The following RPH3AL variants were observed in gnomAD, a reference collection of about 807,000 sequenced individuals.
RPH3AL encodes the protein rabphilin 3A like (without C2 domains).
In RPH3AL, 38 loss-of-function variants were observed where a neutral mutation model predicts 43.1. That is an observed-to-expected ratio of 0.88 (90% CI 0.68 to 1.15). The LOEUF is 1.15. Ranked by LOEUF, RPH3AL falls within the 50% of genes most tolerant of loss-of-function variation. The pLI is 0.00. For synonymous variants in RPH3AL, 189 were observed against 176.3 expected, an observed-to-expected ratio of 1.07 and a Z score of -0.57; for missense variants, 462 against 423.2, an observed-to-expected ratio of 1.09 and a Z score of -0.81.
At chr17:305,542 A>G (rs2043463976) in intron 5 of RPH3AL, among the ~76,000 whole-genome samples, 2 of 152,132 alleles carry the variant, frequency 1.3e-5, no homozygotes, top group South Asian at 4.1e-4. Flanking sequence ...TGACCTGACC[A>G]CACACACGGC....
Position 310,553 on chromosome 17 carries a change from G to A in RPH3AL, c.351+8867C>T, listed in dbSNP as rs1036376628. Among the ~76,000 whole-genome samples the A allele has an allele frequency of 5.9e-5, 9 of 152,258 alleles. 1 individual carries two copies. The highest frequency in any genetic ancestry group is 4.1e-4 in the South Asian group (2 of 4,820). On this transcript the variant is annotated intron_variant, in intron 5 of 9. Transcript: ENST00000331302. The stretch of plus-strand genomic sequence containing the variant: ...AGCCATCCGCAGAAGGTGAGGAGGC[G>A]GAATGTGGAGATGGAGATAAACAGG...
chr17:281,925 T>C, intron 5 of RPH3AL, 71 bp from the exon 6 acceptor site: 1 of 1,138,252 alleles, frequency 8.8e-7, no homozygotes, highest in Non-Finnish European at 1.3e-6. Context: ...CTCAGACAAC[T>C]GTAACGAAGG....
chr17:318,658 C>A (rs977104497), intron 5 of RPH3AL, among the ~76,000 whole-genome samples: 1 of 152,006 alleles, frequency 6.6e-6, no homozygotes, highest in African/African-American at 2.4e-5. Flanking sequence ...GATTAGAAGG[C>A]ATATTATTCT....
intron 7 of RPH3AL, among the ~76,000 whole-genome samples, chr17:224,260 ATGC>A (rs879600937): frequency 0.029 from 4,427 of 152,192 alleles, 109 homozygotes; most frequent in Non-Finnish European, 0.045. Flanking sequence ...AAGGTTCCCC[ATGC>A]CCCCAGGACC....
chr17:351,044 C>T (rs1195468572), intron 1 of RPH3AL, among the ~76,000 whole-genome samples: 1 of 152,184 alleles, frequency 6.6e-6, no homozygotes, highest in African/African-American at 2.4e-5. Context: ...TTCTAGGACT[C>T]CATGTACAAC....
chr17:249,104 G>A (rs902061094), intron 6 of RPH3AL, among the ~76,000 whole-genome samples: 1 of 152,130 alleles, frequency 6.6e-6, no homozygotes, highest in African/African-American at 2.4e-5. Flanking sequence ...CCCTAAATTT[G>A]TAATGCCTCC....
chr17:271,990 A>G (rs2042475029), intron 6 of RPH3AL, among the ~76,000 whole-genome samples: 1 of 152,246 alleles, frequency 6.6e-6, no homozygotes, highest in Non-Finnish European at 1.5e-5. Flanking sequence ...ATGCAGCCAA[A>G]AAACACATGA....
At chr17:320,266 G>C (rs1013466220) in intron 4 of RPH3AL, among the ~76,000 whole-genome samples, 3 of 150,846 alleles carry the variant, frequency 2.0e-5, no homozygotes, top group African/African-American at 7.3e-5. Context: ...TGTTCCATGG[G>C]ACCAGCGAAG....
intron 2 of RPH3AL, among the ~76,000 whole-genome samples, chr17:329,318 CA>C: frequency 6.6e-6 from 1 of 151,870 alleles, no homozygotes; most frequent in South Asian, 2.1e-4. Context: ...ACTAAAAATA[CA>C]AAAAAAATTA....
chr17:247,357 G>A (rs1425779399), intron 6 of RPH3AL, 72 bp from the exon 7 acceptor site: 2 of 1,438,420 alleles, frequency 1.4e-6, no homozygotes, highest in African/African-American at 2.8e-5. Context: ...TTGCCCAGAT[G>A]ACGGGAGGCA....
At chr17:321,876 C>T (rs541530267) in intron 3 of RPH3AL, among the ~76,000 whole-genome samples, 4 of 152,182 alleles carry the variant, frequency 2.6e-5, no homozygotes, top group Non-Finnish European at 5.9e-5. Context: ...ATGTGACGCT[C>T]ACGTACACAG....
At chr17:233,131 T>G (rs1353025679) in intron 7 of RPH3AL, among the ~76,000 whole-genome samples, 3 of 151,302 alleles carry the variant, frequency 2.0e-5, no homozygotes, top group Non-Finnish European at 4.4e-5. Context: ...AGCATGTGCC[T>G]GTCTGTGTGG....
intron 1 of RPH3AL, among the ~76,000 whole-genome samples, chr17:335,468 G>C (rs968195428): frequency 1.3e-5 from 2 of 152,076 alleles, no homozygotes; most frequent in Non-Finnish European, 2.9e-5. Context: ...TGAAATGCAC[G>C]GCCCGGCCAA....
At chr17:260,788 A>G (rs7219680) in intron 6 of RPH3AL, among the ~76,000 whole-genome samples, 135,846 of 151,966 alleles carry the variant, frequency 0.89, 60,892 homozygotes, top group African/African-American at 0.96. Flanking sequence ...CCCAGGACCC[A>G]GCCTCCCTCT....
At position 327,527 on chromosome 17, in the gene RPH3AL, A is replaced by G; in HGVS notation, c.17T>C (p.Phe6Ser). ...AACCCACTGATCATTCCCGCTGCCG[A>G]AGATGGTGTCGGCCATGGCTCGGAG... MADTI[F>S]GSGNDQWVCP... The change falls in exon 3 of 10, where the codon TTC becomes TCC. Residue 6 changes from phenylalanine to serine, a missense_variant. By Grantham distance (155) the Phe-to-Ser change is radical. Coordinates refer to ENST00000331302, the MANE Select transcript of RPH3AL (RefSeq NM_006987.4). The G allele has an allele frequency of 6.2e-7, 1 of 1,613,912 alleles. No individual in the cohort carries two copies. Among genetic ancestry groups the G allele is most frequent in the Non-Finnish European group, 8.5e-7 (1 of 1,179,972 alleles).
intron 1 of RPH3AL, chr17:349,387 G>A (rs1432753978): frequency 1.3e-5 from 2 of 152,200 alleles, no homozygotes; most frequent in South Asian, 2.1e-4. Context: ...TGAGAAGAGA[G>A]GAAAGTGAAC....
chr17:230,798 C>T (rs2041213503), intron 7 of RPH3AL, among the ~76,000 whole-genome samples: 1 of 152,212 alleles, frequency 6.6e-6, no homozygotes, highest in African/African-American at 2.4e-5. Context: ...GTCTCTGGGG[C>T]CTTCACTGTT....
rs753655015 is a variant in RPH3AL at position 323,476 on chromosome 17, AC to A, written c.78-2062del. ...AAGCAATATCCCCTCCACAACCCCT[AC>A]CTACTGGTTTGTTCCATCTGAGCAT... On this transcript the variant is annotated intron_variant, in intron 3 of 9. Transcript: ENST00000331302. The surrounding 1 kb of genome is among the most constrained non-coding windows in gnomAD (Gnocchi z 4.4). Among the ~76,000 whole-genome samples, 16 of 152,214 alleles carry A rather than the reference AC, an allele frequency of 1.1e-4. No individual in the cohort carries two copies. The highest frequency in any genetic ancestry group is 2.4e-4 in the Non-Finnish European group (16 of 67,996).
chr17:317,643 G>A (rs1028139232), intron 5 of RPH3AL, among the ~76,000 whole-genome samples: 1 of 152,106 alleles, frequency 6.6e-6, no homozygotes, highest in East Asian at 1.9e-4. Flanking sequence ...CAGTATTTTT[G>A]GGCCAGTTAA....
Sources: gnomAD v4.1 joint callset for allele counts (sites outside exome capture counted in the v4.1 genomes callset) on GRCh38, gnomAD v4.1.1 for gene constraint, Gnocchi (gnomAD v3.1) non-coding constraint, MANE v1.5 for transcripts, NCBI Gene and HGNC (gene_info 2026-07-23, HGNC 2026-07-21) for gene names.